Variants in FAM90A20 observed in about 807,000 individuals in gnomAD.
FAM90A20 encodes family with sequence similarity 90 member A20, also known as protein FAM90A20.
At chr8:7,297,221 G>T in the FAM90A20 span, 5 of 1,523,672 alleles carry the variant, frequency 3.3e-6, no homozygotes, top group Non-Finnish European at 4.4e-6. Flanking sequence ...CTCAAGTCTT[G>T]GACCAAAGGA....
the FAM90A20 span, chr8:7,297,512 C>G: frequency 1.3e-5 from 19 of 1,512,514 alleles, 2 homozygotes; most frequent in South Asian, 2.2e-5. Context: ...GAGACCTGCC[C>G]AGGCTCCGAT....
chr8:7,295,503 C>A, the FAM90A20 span: 1 of 536,194 alleles, frequency 1.9e-6, no homozygotes, highest in South Asian at 2.0e-5. Context: ...CTTAACGGCC[C>A]CCATGCCGGT....
At chr8:7,296,446 G>T in the FAM90A20 span, 5 of 709,778 alleles carry the variant, frequency 7.0e-6, 1 homozygote, top group African/African-American at 7.6e-5. Context: ...AGGTAACCCT[G>T]GTTGATTTCC....
At chr8:7,295,528 A>C in the FAM90A20 span, 1 of 594,170 alleles carries the variant, frequency 1.7e-6, no homozygotes, top group Admixed American at 2.4e-5. Flanking sequence ...CCTCTTTGGA[A>C]TCCTTATTCA....
chr8:7,296,491 A>G, the FAM90A20 span: 21 of 657,264 alleles, frequency 3.2e-5, 2 homozygotes, highest in Non-Finnish European at 5.9e-5. Flanking sequence ...AAATCGGGGA[A>G]CCCCTCTTTC....
the FAM90A20 span, chr8:7,297,625 A>T: frequency 7.1e-7 from 1 of 1,414,596 alleles, no homozygotes; most frequent in East Asian, 2.3e-5. Flanking sequence ...AGAATCTCCA[A>T]CCTCCACCAG....
the FAM90A20 span, chr8:7,295,936 G>A: frequency 1.3e-5 from 7 of 559,450 alleles, 2 homozygotes; most frequent in South Asian, 3.8e-5. Context: ...GGCCAGGGAA[G>A]GAACGCTGCA....
At chr8:7,295,974 C>G in the FAM90A20 span, 1 of 524,930 alleles carries the variant, frequency 1.9e-6, no homozygotes, top group South Asian at 2.0e-5. Flanking sequence ...TCCGTGTCCT[C>G]CGGGGTTCCA....
the FAM90A20 span, chr8:7,297,604 G>A: frequency 2.7e-6 from 4 of 1,461,768 alleles, no homozygotes; most frequent in East Asian, 2.3e-5. Context: ...GAGGTGAGCT[G>A]GGGGCCCCGG....
At chr8:7,296,380 T>A in the FAM90A20 span, 11 of 742,560 alleles carry the variant, frequency 1.5e-5, 1 homozygote, top group Non-Finnish European at 2.4e-5. Context: ...ATCCACGGAA[T>A]CTTCTGATTA....
the FAM90A20 span, chr8:7,296,513 G>A: frequency 2.6e-5 from 17 of 641,720 alleles, 2 homozygotes; most frequent in South Asian, 7.7e-5. Flanking sequence ...TGTCTTCTTG[G>A]GGTCAGGGCC....
At chr8:7,295,792 C>A in the FAM90A20 span, 85 of 1,204,114 alleles carry the variant, frequency 7.1e-5, 2 homozygotes, top group Non-Finnish European at 9.7e-5. Context: ...ACCCGGGGCC[C>A]TTGAACAAGG....
chr8:7,297,157 G>T, the FAM90A20 span: 1 of 1,530,870 alleles, frequency 6.5e-7, no homozygotes, highest in Admixed American at 1.7e-5. Flanking sequence ...TGTCTGGCAG[G>T]GGCTCCGTCT....
At chr8:7,296,685 T>A in the FAM90A20 span, among the ~76,000 whole-genome samples, 3 of 135,504 alleles carry the variant, frequency 2.2e-5, no homozygotes, top group Non-Finnish European at 4.5e-5. Flanking sequence ...TGGAGAAGGC[T>A]AAACCCAGGA....
chr8:7,296,644 G>C, the FAM90A20 span, among the ~76,000 whole-genome samples: 7 of 135,256 alleles, frequency 5.2e-5, no homozygotes, highest in East Asian at 1.2e-3. Context: ...CTAGCGGCAT[G>C]AGGAAATTAG....
chr8:7,295,519 C>T, the FAM90A20 span: 8 of 578,650 alleles, frequency 1.4e-5, 1 homozygote, highest in Non-Finnish European at 2.4e-5. Context: ...CCGGTGTCCC[C>T]TCTTTGGAAT....
chr8:7,296,964 A>C, the FAM90A20 span: 1 of 1,088,962 alleles, frequency 9.2e-7, no homozygotes, highest in Non-Finnish European at 1.3e-6. Flanking sequence ...CTGTACTAAG[A>C]ATTTCATGGT....
chr8:7,296,261 C>A, the FAM90A20 span: 2 of 701,244 alleles, frequency 2.9e-6, no homozygotes, highest in Non-Finnish European at 2.6e-6. Flanking sequence ...AACCAGGGGG[C>A]ACGGCCTGAC....
chr8:7,295,689 T>A, the FAM90A20 span: 3 of 723,456 alleles, frequency 4.1e-6, 1 homozygote, highest in South Asian at 1.4e-5. Flanking sequence ...AGGTGCCCCA[T>A]GAAGTGCTGG....
Sources: allele counts gnomAD v4.1 joint callset (sites outside exome capture counted in the v4.1 genomes callset), GRCh38; gene constraint gnomAD v4.1.1; transcripts MANE v1.5; gene names NCBI Gene and HGNC (gene_info 2026-07-23, HGNC 2026-07-21).